MTM1: variants seen among roughly 807,000 people sequenced by gnomAD.
MTM1 encodes the protein myotubularin.
A neutral mutation model predicts 52.1 loss-of-function variants in MTM1; 9 were observed. The ratio of observed to expected loss-of-function variants is 0.17; its 90% CI spans 0.10 to 0.30. The LOEUF (loss-of-function observed/expected upper bound fraction) is 0.30, where lower values mean the gene tolerates loss of function less well. MTM1 is among the 10% of genes least tolerant of loss of function. The pLI, the probability that MTM1 is intolerant of heterozygous loss-of-function variation, is 1.00. For missense variants in MTM1, 277 were observed against 470.7 expected (o/e 0.59, Z 3.81); for synonymous variants, 136 against 163.8 (o/e 0.83, Z 1.29).
intron 14 of MTM1, among the ~76,000 whole-genome samples, chrX:150,665,121 C>T (rs149911422): frequency 0.017 from 1,874 of 111,715 alleles, 15 homozygotes; most frequent in Middle Eastern, 0.088. Context: ...TACTTCGAGA[C>T]AGGAATTGGC....
intron 4 of MTM1, among the ~76,000 whole-genome samples, chrX:150,612,162 G>C (rs1290504563): frequency 1.8e-5 from 2 of 108,191 alleles, no homozygotes; most frequent in African/African-American, 6.8e-5. Context: ...CTGCACTTCA[G>C]CCTGGGTGAT....
intron 13 of MTM1, among the ~76,000 whole-genome samples, chrX:150,662,986 G>A (rs190865322): frequency 2.0e-4 from 22 of 112,212 alleles, no homozygotes; most frequent in Non-Finnish European, 3.8e-4. Context: ...TAAAATAACT[G>A]TGTCCAGATG....
intron 1 of MTM1, among the ~76,000 whole-genome samples, chrX:150,574,216 C>T (rs1470716761): frequency 1.8e-5 from 2 of 111,466 alleles, no homozygotes; most frequent in Non-Finnish European, 3.8e-5. Flanking sequence ...GTCCTTCCTT[C>T]ACTATATCAA....
intron 6 of MTM1, among the ~76,000 whole-genome samples, chrX:150,632,607 G>A (rs2039689623): frequency 1.8e-5 from 2 of 111,484 alleles, no homozygotes; most frequent in Admixed American, 9.5e-5. Flanking sequence ...GACCATTTCT[G>A]GGGATTTTTG....
At chrX:150,662,325 C>A (rs1415396417) in intron 13 of MTM1, among the ~76,000 whole-genome samples, 2 of 111,798 alleles carry the variant, frequency 1.8e-5, no homozygotes, top group Non-Finnish European at 3.8e-5. Context: ...TAAGACATTT[C>A]TTTTATTTTT....
chrX:150,641,524 ATACT>A (rs2039849435), intron 8 of MTM1, 106 bp downstream of exon 8: 1 of 962,750 alleles, frequency 1.0e-6, no homozygotes, highest in Non-Finnish European at 1.5e-6. Context: ...ATCCCAAAAA[ATACT>A]TACTAAGTGC....
intron 4 of MTM1, among the ~76,000 whole-genome samples, chrX:150,611,916 C>T (rs1238925862): frequency 8.9e-6 from 1 of 112,293 alleles, no homozygotes; most frequent in Non-Finnish European, 1.9e-5. Context: ...ATTTCTCAGC[C>T]AAGTGTGGTG....
chrX:150,616,495 A>G (rs2039388300), intron 5 of MTM1, among the ~76,000 whole-genome samples: 1 of 111,327 alleles, frequency 9.0e-6, no homozygotes, highest in Non-Finnish European at 1.9e-5. Flanking sequence ...AGTAGTTACA[A>G]CTCCTATAAA....
At chrX:150,640,377 A>G (rs1308216795) in intron 7 of MTM1, among the ~76,000 whole-genome samples, 6 of 111,539 alleles carry the variant, frequency 5.4e-5, no homozygotes, top group African/African-American at 2.0e-4. Context: ...GATGGGACTT[A>G]TAACTGTCTA....
Position 150,659,322 on chromosome X carries a change from T to G in MTM1, c.1261-342T>G, listed in dbSNP as rs781964147. Among the ~76,000 whole-genome samples, 4 of 112,143 alleles carry G rather than the reference T, an allele frequency of 3.6e-5. No homozygotes were observed. In the South Asian group the frequency reaches 1.5e-3, roughly 41 times the overall value. On this transcript the variant is annotated intron_variant, in intron 11 of 14. Coordinates refer to ENST00000370396, the MANE Select transcript of MTM1 (RefSeq NM_000252.3). Reference sequence around the variant, plus strand: ...TCGCGACTGAAAGAACTAGGTTGAGTGTATTGCTAACATACTATGTAGGAT... The same window carrying G: ...TCGCGACTGAAAGAACTAGGTTGAGGGTATTGCTAACATACTATGTAGGAT...
intron 1 of MTM1, among the ~76,000 whole-genome samples, chrX:150,585,987 G>C (rs1369973485): frequency 1.8e-5 from 2 of 111,657 alleles, no homozygotes; most frequent in Non-Finnish European, 3.8e-5. Context: ...TCCATCACTA[G>C]CCACTGGAAA....
chrX:150,643,166 T>A (rs1672777316), intron 8 of MTM1, among the ~76,000 whole-genome samples: 2 of 111,502 alleles, frequency 1.8e-5, no homozygotes, highest in African/African-American at 6.5e-5. Flanking sequence ...GTGCCTTTAA[T>A]GTGAAATCAT....
At chrX:150,613,075 C>T (rs2039316901) in intron 4 of MTM1, among the ~76,000 whole-genome samples, 2 of 104,072 alleles carry the variant, frequency 1.9e-5, no homozygotes, top group South Asian at 4.4e-4. Flanking sequence ...GAGCCTGGGA[C>T]GTCAAGGCTG....
rs1052615213 is a variant in MTM1, at chrX:150,604,517, C to T, written c.231+5831C>T. On this transcript the variant is annotated intron_variant, in intron 4 of 14. Transcript: ENST00000370396. ...CTGAAATTGTTCAACTCAATTGTCT[C>T]CCTCCCCCGAGTTCCTTCTTTTGGT... Among the ~76,000 whole-genome samples the T allele has an allele frequency of 1.8e-4, 20 of 111,245 alleles. No individual in the cohort carries two copies. The Admixed American group carries it at 1.9e-3, about 11-fold the overall frequency.
chrX:150,671,859 A>G lies in MTM1; in HGVS notation c.*264A>G. On this transcript the variant is annotated 3_prime_UTR_variant, in exon 15 of 15. Coordinates refer to ENST00000370396, the MANE Select transcript of MTM1 (RefSeq NM_000252.3). Reference sequence around the variant, plus strand: ...AAGCAGTTTTTGAAAGACAAAATTTAGATTTAATTTACGTCTTGAGAAATA... The same window carrying G: ...AAGCAGTTTTTGAAAGACAAAATTTGGATTTAATTTACGTCTTGAGAAATA... 1 of 389,604 alleles carries G rather than the reference A, an allele frequency of 2.6e-6. No individual in the cohort carries two copies. The highest frequency in any genetic ancestry group is 3.9e-5 in the South Asian group (1 of 25,697). The allele number at this position is 389,604 out of a possible 1,213,427, so 32.1% of individuals were successfully genotyped here. A position where few individuals can be genotyped will look rare whatever the true frequency, so the allele number is the denominator to read the frequency against.
At chrX:150,583,929 A>T (rs868968950) in intron 1 of MTM1, among the ~76,000 whole-genome samples, 3 of 50,971 alleles carry the variant, frequency 5.9e-5, no homozygotes, top group African/African-American at 2.1e-4. Flanking sequence ...AATATATATT[A>T]AATTAAAATA....
At chrX:150,597,523 G>C (rs955801580) in intron 3 of MTM1, among the ~76,000 whole-genome samples, 39 of 111,788 alleles carry the variant, frequency 3.5e-4, no homozygotes, top group African/African-American at 1.2e-3. Flanking sequence ...CCTTAACCCA[G>C]GTGGTAACTA....
intron 4 of MTM1, among the ~76,000 whole-genome samples, chrX:150,602,510 G>A (rs782807219): frequency 8.9e-6 from 1 of 112,485 alleles, no homozygotes; most frequent in South Asian, 3.7e-4. Flanking sequence ...TAAGTTGTTA[G>A]TGCTGCTCAG....
intron 6 of MTM1, among the ~76,000 whole-genome samples, chrX:150,631,255 T>C (rs1410942362): frequency 8.9e-6 from 1 of 112,511 alleles, no homozygotes; most frequent in African/African-American, 3.2e-5. Context: ...TATGCAGGCC[T>C]TTCTAAGGAG....
Sources: allele counts gnomAD v4.1 joint callset (sites outside exome capture counted in the v4.1 genomes callset), GRCh38; gene constraint gnomAD v4.1.1; transcripts MANE v1.5; gene names NCBI Gene and HGNC (gene_info 2026-07-23, HGNC 2026-07-21).